BPIFB4: variants seen among roughly 807,000 people sequenced by gnomAD.
The protein encoded by BPIFB4 is BPI fold-containing family B member 4.
BPIFB4 carries 62 observed loss-of-function variants against 69.2 expected under a neutral mutation model. That is an observed-to-expected ratio of 0.90 (90% CI 0.73 to 1.11). The LOEUF is 1.11. Among genes scored for constraint, BPIFB4 ranks in the 50% least tolerant of loss-of-function variants. BPIFB4 has a pLI of 0.00. For missense variants in BPIFB4, 789 were observed against 792.0 expected (o/e 1.00, Z 0.04); for synonymous variants, 330 against 332.7 (o/e 0.99, Z 0.09).
At chr20:33,099,988 G>A (rs1981863020) in intron 13 of BPIFB4, among the ~76,000 whole-genome samples, 1 of 152,108 alleles carries the variant, frequency 6.6e-6, no homozygotes, top group Admixed American at 6.5e-5. Flanking sequence ...GGACAGTTAT[G>A]ATTGGCAGCG....
intron 10 of BPIFB4, among the ~76,000 whole-genome samples, chr20:33,091,514 C>T (rs1489687447): frequency 5.3e-5 from 8 of 152,272 alleles, no homozygotes; most frequent in Admixed American, 2.6e-4. Context: ...GATGACTCCA[C>T]ACTTGCTCCA....
intron 5 of BPIFB4, 129 bp from the exon 6 acceptor site, chr20:33,084,763 G>C: frequency 6.9e-7 from 1 of 1,442,096 alleles, no homozygotes; most frequent in African/African-American, 1.4e-5. Context: ...TTGAACTGCA[G>C]GTGTCTAGTG....
chr20:33,090,448 C>T (rs2146407130), intron 9 of BPIFB4, among the ~76,000 whole-genome samples: 1 of 152,358 alleles, frequency 6.6e-6, no homozygotes, highest in Admixed American at 6.5e-5. Context: ...CCCCTGCCCC[C>T]ACCAACGTAG....
chr20:33,097,565 G>C, intron 12 of BPIFB4, 52 bp from the exon 13 acceptor site: 1 of 1,560,212 alleles, frequency 6.4e-7, no homozygotes, highest in Non-Finnish European at 8.8e-7. Context: ...TAACCCCCTG[G>C]GTACCTCCTA....
Position 33,081,473 on chromosome 20 carries a change from C to T in BPIFB4, c.-15-39C>T, listed in dbSNP as rs142229443. Reference sequence around the variant, plus strand: ...TGCTACCTGCTGGCCAGGGTGGTGGCGCCCAGCCACATCTGCATCTGCACT... The same window carrying T: ...TGCTACCTGCTGGCCAGGGTGGTGGTGCCCAGCCACATCTGCATCTGCACT... On this transcript the variant is annotated intron_variant, in intron 2 of 17. Coordinates refer to ENST00000375483, the MANE Select transcript of BPIFB4 (RefSeq NM_182519.3). 294 of 1,544,250 alleles carry T rather than the reference C, an allele frequency of 1.9e-4. No homozygotes were observed. The East Asian group carries it at 6.2e-3, about 33-fold the overall frequency.
At position 33,104,841 on chromosome 20, in the gene BPIFB4, T is replaced by G. The variant is rs756020531; in HGVS notation, c.1712T>G (p.Ile571Ser). 8 of 1,613,996 alleles carry G rather than the reference T, an allele frequency of 5.0e-6. No individual in the cohort carries two copies. Among genetic ancestry groups the G allele is most frequent in the South Asian group, 1.1e-5 (1 of 91,082 alleles). The stretch of plus-strand genomic sequence containing the variant: ...CTCATGGAGGTGCTGGTGGAGAAGA[T>G]TTTTGACCTGGCATTCATGCCCGCA... ...IGLMEVLVEK[I>S]FDLAFMPAMN... Residue 571 changes from isoleucine (I) to serine (S), a missense_variant, in exon 16 of 18, where the codon ATT (isoleucine) becomes AGT (serine). Ile to Ser is a moderately radical substitution (Grantham distance 142). Transcript: ENST00000375483.
intron 13 of BPIFB4, among the ~76,000 whole-genome samples, chr20:33,099,670 A>T (rs1981852731): frequency 6.6e-6 from 1 of 151,734 alleles, no homozygotes; most frequent in Non-Finnish European, 1.5e-5. Context: ...CCCTCTTTTC[A>T]TCTGGCCAAG....
intron 17 of BPIFB4, among the ~76,000 whole-genome samples, chr20:33,110,246 T>C (rs1450380234): frequency 6.6e-6 from 1 of 152,224 alleles, no homozygotes; most frequent in Non-Finnish European, 1.5e-5. Flanking sequence ...TTCATAACCT[T>C]GACATTTCTG....
chr20:33,103,363 G>A (rs1981958351), intron 15 of BPIFB4, among the ~76,000 whole-genome samples: 1 of 152,166 alleles, frequency 6.6e-6, no homozygotes. Flanking sequence ...CTTTCCTTCT[G>A]GAGTTAGGAG....
chr20:33,082,925 T>C lies in BPIFB4; in HGVS notation c.107-13T>C, dbSNP rs1981278515. On this transcript the variant is annotated splice_polypyrimidine_tract_variant and intron_variant, in intron 3 of 17. Coordinates refer to ENST00000375483, the MANE Select transcript of BPIFB4 (RefSeq NM_182519.3). ...GGGAGGAACCCTGGACTGATGCCCT[T>C]GCCTCTCTGCAGCCATTTCAGGCAT... 6.2e-7 allele frequency: 1 copy of C among 1,610,932 alleles called. No individual in the cohort carries two copies. The highest frequency in any genetic ancestry group is 1.7e-5 in the Admixed American group (1 of 59,932).
intron 4 of BPIFB4, 43 bp downstream of exon 4, chr20:33,083,043 T>C: frequency 2.2e-6 from 3 of 1,346,448 alleles, no homozygotes; most frequent in Non-Finnish European, 3.0e-6. Flanking sequence ...CTGGGCGGTC[T>C]GCTTGGTGGA....
At chr20:33,110,387 G>T (rs573151828) in intron 17 of BPIFB4, among the ~76,000 whole-genome samples, 31 of 152,338 alleles carry the variant, frequency 2.0e-4, no homozygotes, top group African/African-American at 7.5e-4. Flanking sequence ...CCTTTCAGGG[G>T]ATACCGATGT....
chr20:33,089,653 C>T lies in BPIFB4; in HGVS notation c.1051+95C>T, dbSNP rs1981540675. 3.8e-6 allele frequency: 6 copies of T among 1,587,972 alleles called. No individual in the cohort carries two copies. In the South Asian group the frequency reaches 6.9e-5, roughly 18 times the overall value. Reference sequence around the variant, plus strand: ...CAATGTGGTGGGGGCCACAGACCTGCCCTTAGGCCCTTGAAGTGAGGAGTG... The same window carrying T: ...CAATGTGGTGGGGGCCACAGACCTGTCCTTAGGCCCTTGAAGTGAGGAGTG... On this transcript the variant is annotated intron_variant, in intron 9 of 17. Coordinates refer to ENST00000375483, the MANE Select transcript of BPIFB4 (RefSeq NM_182519.3).
chr20:33,084,187 C>T (rs983285777), intron 5 of BPIFB4, among the ~76,000 whole-genome samples: 11 of 152,164 alleles, frequency 7.2e-5, no homozygotes, highest in African/African-American at 2.7e-4. Context: ...GAAAAGACCC[C>T]AAGGATTTAA....
At chr20:33,097,381 T>C (rs546881900) in intron 12 of BPIFB4, among the ~76,000 whole-genome samples, 6 of 152,304 alleles carry the variant, frequency 3.9e-5, no homozygotes, top group Admixed American at 2.0e-4. Flanking sequence ...TGTCAGGCAT[T>C]GAGCCTGAAT....
intron 12 of BPIFB4, among the ~76,000 whole-genome samples, chr20:33,095,554 C>T (rs78678887): frequency 0.035 from 5,351 of 152,182 alleles, 152 homozygotes; most frequent in African/African-American, 0.083. Context: ...AAGGTGTCAA[C>T]GCGGGCCAGG....
Position 33,092,477 on chromosome 20 carries a change from G to C in BPIFB4, c.1163G>C (p.Gly388Ala), listed in dbSNP as rs369095045. 5.6e-6 allele frequency: 9 copies of C among 1,613,808 alleles called. No individual in the cohort carries two copies. Among genetic ancestry groups the C allele is most frequent in the Admixed American group, 1.7e-5 (1 of 59,992 alleles). Residue 388 changes from glycine to alanine, a missense_variant, in exon 11 of 18, where the codon GGA (glycine) becomes GCA (alanine). Gly to Ala is a moderately conservative substitution (Grantham distance 60). Around this residue, in one of 3 missense-constraint regions of BPIFB4, gnomAD observed 611 missense variants for 575.4 expected, o/e 1.06. Transcript: ENST00000375483. ...LDLNTLVGEA[G>A]GGLIDYPLGW... is the part of the protein sequence containing the mutation. ...CCCCAGACGCTGGTTGGGGAGGCTG[G>C]AGGAGGACTCATCGACTACCCATTG...
At chr20:33,080,994 G>C (rs779856787) in intron 2 of BPIFB4, among the ~76,000 whole-genome samples, 5 of 152,304 alleles carry the variant, frequency 3.3e-5, no homozygotes, top group Admixed American at 2.6e-4. Flanking sequence ...TATATGGCTT[G>C]CTGGGTGTTT....
At position 33,089,448 on chromosome 20, in the gene BPIFB4, T is replaced by C. The variant is rs201440922; in HGVS notation, c.991-50T>C. 1.9e-5 allele frequency: 30 copies of C among 1,613,970 alleles called. No homozygotes were observed. The East Asian group carries it at 6.5e-4, about 35-fold the overall frequency. Reference sequence around the variant, plus strand: ...ACTCTTGCGTCCCCGACTCCCTTGCTCCTACTCCCTGCAGCGTCAACAAGG... The same window carrying C: ...ACTCTTGCGTCCCCGACTCCCTTGCCCCTACTCCCTGCAGCGTCAACAAGG... On this transcript the variant is annotated intron_variant, in intron 8 of 17. Transcript: ENST00000375483.
Sources: allele counts gnomAD v4.1 joint callset (sites outside exome capture counted in the v4.1 genomes callset), GRCh38; gene constraint gnomAD v4.1.1; regional missense constraint gnomAD v4.1.1; transcripts MANE v1.5; gene names NCBI Gene and HGNC (gene_info 2026-07-23, HGNC 2026-07-21).